The following IRAG2 variants were observed in gnomAD, a reference collection of about 807,000 sequenced individuals.
IRAG2 encodes inositol 1,4,5-triphosphate receptor associated 2, also known as lymphoid restricted membrane protein.
In IRAG2, 45 loss-of-function variants were observed where a neutral mutation model predicts 69.9. The ratio of observed to expected loss-of-function variants is 0.64; its 90% CI spans 0.51 to 0.83. The LOEUF (loss-of-function observed/expected upper bound fraction) is 0.83. IRAG2 is among the 40% of genes least tolerant of loss of function. IRAG2 has a pLI of 0.00. For missense variants in IRAG2, 520 were observed against 587.0 expected, an observed-to-expected ratio of 0.89 and a Z score of 1.18; for synonymous variants, 193 against 202.4, an observed-to-expected ratio of 0.95 and a Z score of 0.40.
Position 25,037,987 on chromosome 12 carries a change from T to G in IRAG2, c.1994T>G (p.Ile665Ser), listed in dbSNP as rs16928360. The G allele has an allele frequency of 7.7e-3, 3,060 of 398,834 alleles. 86 individuals are homozygous for G. The highest frequency in any genetic ancestry group is 0.056 in the African/African-American group (2,721 of 48,730). 24.7% of individuals were successfully genotyped at this position (398,834 alleles called of 1,614,324 possible). A position where few individuals can be genotyped will look rare whatever the true frequency, so the allele number is the denominator to read the frequency against. ...CTTTTCTTGTAGGAATTCAACAATA[T>G]CATGGAAGAGAAGCTAGATCTTTGC... The change falls in exon 16 of 39, where the codon ATC (isoleucine) becomes AGC (serine). Residue 665 changes from isoleucine to serine, a missense_variant. By Grantham distance (142) the Ile-to-Ser change is moderately radical. Transcript: ENST00000636465.
At chr12:25,083,334 G>A (rs1947351608) in intron 9 of IRAG2, 89 bp from the exon 10 acceptor site, 2 of 809,540 alleles carry the variant, frequency 2.5e-6, no homozygotes, top group South Asian at 2.7e-5. Flanking sequence ...TCAGTTACTG[G>A]TCAGCCCATA....
At chr12:25,027,733 G>A (rs1944635573) in intron 9 of IRAG2, among the ~76,000 whole-genome samples, 1 of 151,958 alleles carries the variant, frequency 6.6e-6, no homozygotes, top group Admixed American at 6.6e-5. Context: ...TATTCTATAT[G>A]GATATATCAA....
chr12:25,013,145 T>C (rs1310124525), intron 3 of IRAG2, among the ~76,000 whole-genome samples: 1 of 152,174 alleles, frequency 6.6e-6, no homozygotes, highest in Non-Finnish European at 1.5e-5. Context: ...CATAGCTTTT[T>C]TAAGAGCAAT....
intron 4 of IRAG2, among the ~76,000 whole-genome samples, chr12:25,064,602 A>T (rs1275289165): frequency 6.6e-6 from 1 of 152,240 alleles, no homozygotes; most frequent in African/African-American, 2.4e-5. Context: ...AAAAGAAATG[A>T]TTATCAAAGT....
chr12:25,052,353 G>A, upstream of IRAG2: 1 of 398,802 alleles, frequency 2.5e-6, no homozygotes. Context: ...GGAGCAGGTA[G>A]GGTGGCTCAT....
chr12:25,021,120 T>TC (rs1944576293), intron 7 of IRAG2: 2 of 288,058 alleles, frequency 6.9e-6, no homozygotes, highest in Admixed American at 1.0e-4. Context: ...TTTCTTTTTT[T>TC]TTGAGACAGG....
intron 13 of IRAG2, chr12:25,035,575 G>T: frequency 2.5e-6 from 1 of 398,056 alleles, no homozygotes; most frequent in Non-Finnish European, 4.4e-6. Flanking sequence ...TAACTCATGA[G>T]CATCATTTTT....
At chr12:25,008,650 A>C (rs749976802) in intron 2 of IRAG2, among the ~76,000 whole-genome samples, 36 of 152,212 alleles carry the variant, frequency 2.4e-4, no homozygotes, top group Admixed American at 3.9e-4. Flanking sequence ...GAGGCACAAG[A>C]AGCGTTTGAA....
rs996713020 is a variant in IRAG2 at position 25,014,077 on chromosome 12, G to A, written c.897-1105G>A. Among the ~76,000 whole-genome samples the A allele has an allele frequency of 2.6e-5, 4 of 151,444 alleles. No homozygotes were observed. The East Asian group carries it at 5.8e-4, about 22-fold the overall frequency. Reference sequence around the variant, plus strand: ...TTTTTAGTAGAGACGGGGTTTCACCGTGTTAGCCAGGATGGTCTCGATCTC... The same window carrying A: ...TTTTTAGTAGAGACGGGGTTTCACCATGTTAGCCAGGATGGTCTCGATCTC... On this transcript the variant is annotated intron_variant, in intron 3 of 38. Coordinates refer to the IRAG2 transcript ENST00000636465.
chr12:25,053,588 A>G (rs576300246), intron 1 of IRAG2, among the ~76,000 whole-genome samples: 1 of 152,268 alleles, frequency 6.6e-6, no homozygotes, highest in African/African-American at 2.4e-5. Context: ...GACAGTTGTC[A>G]CATTACAGAT....
At chr12:25,032,120 A>C (rs1944672858) in intron 10 of IRAG2, 1 of 398,744 alleles carries the variant, frequency 2.5e-6, no homozygotes, top group Non-Finnish European at 4.4e-6. Flanking sequence ...TTTTGCTATT[A>C]TTTCTCTCTT....
chr12:25,065,338 C>T (rs1014974014), intron 4 of IRAG2, among the ~76,000 whole-genome samples: 1 of 152,182 alleles, frequency 6.6e-6, no homozygotes, highest in Non-Finnish European at 1.5e-5. Context: ...GATCACACAA[C>T]TGGTATGTGG....
chr12:25,035,226 G>C (rs998363692), intron 13 of IRAG2, among the ~76,000 whole-genome samples: 2 of 152,190 alleles, frequency 1.3e-5, no homozygotes, highest in Non-Finnish European at 2.9e-5. Flanking sequence ...GAGATTTTGA[G>C]AGAAGTATAG....
In IRAG2 at chr12:25,102,284, A is replaced by G. The variant is rs553183455; in HGVS notation, c.933+43A>G. The G allele has an allele frequency of 1.9e-5, 28 of 1,502,922 alleles. No individual in the cohort carries two copies. In the South Asian group the frequency reaches 2.8e-4, roughly 15 times the overall value. 93.1% of individuals were successfully genotyped at this position (1,502,922 alleles called of 1,614,324 possible). On this transcript the variant is annotated intron_variant, in intron 17 of 21. Transcript: ENST00000556887. Reference sequence around the variant, plus strand: ...TAACAAATGTCTAGCAAATACTATAAGACGGTTTTAAAATGTTATTTGAAG... The same window carrying G: ...TAACAAATGTCTAGCAAATACTATAGGACGGTTTTAAAATGTTATTTGAAG...
chr12:25,052,356 T>G (rs1031571201), upstream of IRAG2: 2 of 397,712 alleles, frequency 5.0e-6, no homozygotes, highest in Non-Finnish European at 4.4e-6. Context: ...GCAGGTAGGG[T>G]GGCTCATGGC....
In IRAG2 at chr12:25,069,386, G is replaced by C. The variant is rs61747486; in HGVS notation, c.-22G>C. 9 of 1,613,222 alleles carry C rather than the reference G, an allele frequency of 5.6e-6. No homozygotes were observed. The Middle Eastern group carries it at 6.6e-4, about 118-fold the overall frequency. On this transcript the variant is annotated 5_prime_UTR_variant, in exon 6 of 22. Transcript: ENST00000556887. Reference sequence around the variant, plus strand: ...CCACAAGTGGCCCCAGCCCAGGAACGAATCTCTCAGGCTGCATCAGGATGA... The same window carrying C: ...CCACAAGTGGCCCCAGCCCAGGAACCAATCTCTCAGGCTGCATCAGGATGA...
At chr12:25,087,174 TTTTTTTTTG>T in intron 10 of IRAG2, among the ~76,000 whole-genome samples, 1 of 124,386 alleles carries the variant, frequency 8.0e-6, no homozygotes, top group African/African-American at 3.1e-5. Context: ...TTTTTTTTTT[TTTTTTTTTG>T]TTGAGACAGA....
At chr12:25,107,758 A>AG in intron 21 of IRAG2, 59 bp from the exon 22 acceptor site, 5 of 1,545,016 alleles carry the variant, frequency 3.2e-6, no homozygotes, top group Non-Finnish European at 3.6e-6. Context: ...TGTTAGCAAA[A>AG]GGAATGTTTC....
intron 1 of IRAG2, among the ~76,000 whole-genome samples, chr12:25,055,882 C>T (rs117438971): frequency 9.5e-4 from 145 of 152,216 alleles, no homozygotes; most frequent in Non-Finnish European, 1.7e-3. Flanking sequence ...TGATACAATC[C>T]AAAACTATCA....
Sources: allele counts gnomAD v4.1 joint callset (sites outside exome capture counted in the v4.1 genomes callset), GRCh38; gene constraint gnomAD v4.1.1; transcripts MANE v1.5; gene names NCBI Gene and HGNC (gene_info 2026-07-23, HGNC 2026-07-21).